MYO3B: variants seen among roughly 807,000 people sequenced by gnomAD.
MYO3B encodes the protein myosin-IIIb.
In MYO3B, 156 loss-of-function variants were observed where a neutral mutation model predicts 174.6. That is an observed-to-expected ratio of 0.89 (90% CI 0.78 to 1.02). MYO3B has a LOEUF of 1.02. Ranked by LOEUF, MYO3B falls within the 50% of genes least tolerant of loss-of-function variation. MYO3B has a pLI of 0.00. For missense variants in MYO3B, 1,632 were observed against 1,639.4 expected (o/e 1.00, Z 0.08); for synonymous variants, 563 against 569.1 (o/e 0.99, Z 0.15).
chr2:170,416,100 C>A lies in MYO3B; in HGVS notation c.2650+8256C>A, dbSNP rs370412818. 9.9e-5 allele frequency among the ~76,000 whole-genome samples: 15 copies of A among 152,254 alleles called. No homozygotes were observed. In the East Asian group the frequency reaches 1.9e-3, roughly 20 times the overall value. On this transcript the variant is annotated intron_variant, in intron 22 of 34. Transcript: ENST00000408978. ...GGGGAAATCTGAACACAGAGACACG[C>A]ACCAGGAGAACACCCTGTGAAGATG...
At chr2:170,221,322 TGAG>T (rs1559311232) in intron 6 of MYO3B, among the ~76,000 whole-genome samples, 1 of 152,202 alleles carries the variant, frequency 6.6e-6, no homozygotes, top group Non-Finnish European at 1.5e-5. Context: ...ATTTTATTTT[TGAG>T]GAATTGAACC....
At chr2:170,297,159 AC>A (rs961444477) in intron 7 of MYO3B, among the ~76,000 whole-genome samples, 53 of 152,250 alleles carry the variant, frequency 3.5e-4, no homozygotes, top group African/African-American at 1.2e-3. Context: ...TCTTCAATAA[AC>A]TTTTATTTAA....
intron 24 of MYO3B, 32 bp from the exon 25 acceptor site, chr2:170,466,474 C>A (rs748474832): frequency 6.2e-7 from 1 of 1,606,386 alleles, no homozygotes; most frequent in Admixed American, 1.7e-5. Context: ...TTGGTGGTAA[C>A]CTTGTTCCTT....
chr2:170,618,675 C>G (rs1292450672), intron 32 of MYO3B, among the ~76,000 whole-genome samples: 1 of 151,944 alleles, frequency 6.6e-6, no homozygotes, highest in Non-Finnish European at 1.5e-5. Context: ...TCCCATGGTG[C>G]CAACAATGCT....
chr2:170,479,988 CTATA>C (rs910059246), intron 25 of MYO3B, among the ~76,000 whole-genome samples: 1 of 144,398 alleles, frequency 6.9e-6, no homozygotes, highest in Non-Finnish European at 1.5e-5. Context: ...TATATTAAAC[CTATA>C]TATATGTGTG....
chr2:170,359,949 A>G (rs1446640204), intron 8 of MYO3B, among the ~76,000 whole-genome samples: 1 of 146,458 alleles, frequency 6.8e-6, no homozygotes, highest in African/African-American at 2.5e-5. Context: ...AAGTTTTTGA[A>G]TGAATCAATG....
chr2:170,606,613 T>A (rs1694822435), intron 32 of MYO3B, among the ~76,000 whole-genome samples: 1 of 152,206 alleles, frequency 6.6e-6, no homozygotes, highest in Non-Finnish European at 1.5e-5. Flanking sequence ...CCTAATACAT[T>A]CCTAGAAAGT....
intron 18 of MYO3B, 124 bp from the exon 19 acceptor site, chr2:170,402,724 T>G (rs886511122): frequency 3.6e-6 from 3 of 835,126 alleles, no homozygotes; most frequent in Non-Finnish European, 5.1e-6. Context: ...GGTGGCAGGA[T>G]GCTGCTTTCC....
At chr2:170,232,580 A>G (rs765083428) in intron 6 of MYO3B, among the ~76,000 whole-genome samples, 15 of 152,228 alleles carry the variant, frequency 9.9e-5, no homozygotes, top group Admixed American at 3.3e-4. Flanking sequence ...GCAATGATTC[A>G]TTTAGTTATC....
At chr2:170,601,817 CA>C in intron 32 of MYO3B, 1 of 1,077,512 alleles carries the variant, frequency 9.3e-7, no homozygotes. Context: ...TTGTCATCTG[CA>C]AAAGTGTTAT....
chr2:170,247,360 G>A (rs779315303), intron 7 of MYO3B, among the ~76,000 whole-genome samples: 23 of 152,134 alleles, frequency 1.5e-4, no homozygotes, highest in Non-Finnish European at 2.6e-4. Flanking sequence ...AATATGATCC[G>A]AAGAGCAGCA....
intron 29 of MYO3B, among the ~76,000 whole-genome samples, chr2:170,518,680 A>T (rs1239476688): frequency 6.6e-6 from 1 of 152,238 alleles, no homozygotes; most frequent in Non-Finnish European, 1.5e-5. Context: ...CAGCTTGATA[A>T]AAACACAGAT....
Position 170,250,012 on chromosome 2 carries a change from C to T in MYO3B, c.749+13876C>T, listed in dbSNP as rs377321113. On this transcript the variant is annotated intron_variant, in intron 7 of 34. Coordinates refer to ENST00000408978, the MANE Select transcript of MYO3B (RefSeq NM_138995.5). The stretch of plus-strand genomic sequence containing the variant: ...AGCCACTTGAGGTTTAGAACAATGA[C>T]AGGCTAATCAGATCTGCCAAGAAAT... Among the ~76,000 whole-genome samples, 18 of 152,300 alleles carry T rather than the reference C, an allele frequency of 1.2e-4. No homozygotes were observed. In the South Asian group the frequency reaches 2.3e-3, roughly 19 times the overall value.
chr2:170,265,938 G>T (rs1349478260), intron 7 of MYO3B, among the ~76,000 whole-genome samples: 1 of 152,100 alleles, frequency 6.6e-6, no homozygotes, highest in Non-Finnish European at 1.5e-5. Context: ...CCAAGGGGAG[G>T]CTGGTAAACA....
At chr2:170,500,172 A>G (rs1687167903) in intron 27 of MYO3B, among the ~76,000 whole-genome samples, 1 of 152,206 alleles carries the variant, frequency 6.6e-6, no homozygotes, top group Non-Finnish European at 1.5e-5. Flanking sequence ...AAAGACATAC[A>G]AATTTATTAA....
At chr2:170,247,903 C>A (rs2093209659) in intron 7 of MYO3B, among the ~76,000 whole-genome samples, 1 of 152,214 alleles carries the variant, frequency 6.6e-6, no homozygotes, top group Admixed American at 6.5e-5. Context: ...CAGACCATAG[C>A]ACAAAGAATG....
chr2:170,296,473 T>C (rs983745587), intron 7 of MYO3B, among the ~76,000 whole-genome samples: 1 of 152,186 alleles, frequency 6.6e-6, no homozygotes, highest in African/African-American at 2.4e-5. Context: ...TCCATGTCAA[T>C]TCAGTCAATA....
At chr2:170,472,348 C>G (rs921602545) in intron 25 of MYO3B, among the ~76,000 whole-genome samples, 38 of 152,156 alleles carry the variant, frequency 2.5e-4, no homozygotes, top group African/African-American at 8.9e-4. Context: ...AGATCACACT[C>G]CAGCCAAAAT....
At chr2:170,441,937 G>A (rs1367098239) in intron 22 of MYO3B, among the ~76,000 whole-genome samples, 1 of 152,112 alleles carries the variant, frequency 6.6e-6, no homozygotes, top group Non-Finnish European at 1.5e-5. Flanking sequence ...CTGTGACTAA[G>A]AATGCCTAAC....
Sources: gnomAD v4.1 joint callset for allele counts (sites outside exome capture counted in the v4.1 genomes callset) on GRCh38, gnomAD v4.1.1 for gene constraint, MANE v1.5 for transcripts, NCBI Gene and HGNC (gene_info 2026-07-23, HGNC 2026-07-21) for gene names.